PCDHA6: variants seen among roughly 807,000 people sequenced by gnomAD.
PCDHA6 encodes protocadherin alpha-6.
Under a neutral mutation model 60.3 loss-of-function variants are expected in PCDHA6, and 55 were observed. That is an observed-to-expected ratio of 0.91 (90% CI 0.73 to 1.14). The LOEUF (loss-of-function observed/expected upper bound fraction) is 1.14, where lower values mean the gene tolerates loss of function less well. Among genes scored for constraint, PCDHA6 ranks in the 50% most tolerant of loss-of-function variants. The probability of loss-of-function intolerance (pLI) is 0.00; values close to 1 mark genes in which losing one functional copy is unlikely to be tolerated. For missense variants in PCDHA6, 1,327 were observed against 1,256.5 expected (o/e 1.06, Z -0.85); for synonymous variants, 652 against 557.9 (o/e 1.17, Z -2.38).
chr5:140,829,747 G>C lies in PCDHA6; in HGVS notation c.1656G>C (p.Gln552His), dbSNP rs2150173825. The C allele has an allele frequency of 1.3e-5, 21 of 1,613,704 alleles. No individual in the cohort carries two copies. Among genetic ancestry groups the C allele is most frequent in the Non-Finnish European group, 1.7e-5 (20 of 1,179,868 alleles). ...VPPLGSNVTL[Q>H]VFVLDENDNA... ...CTCTGGGCAGCAACGTGACGCTGCA[G>C]GTGTTCGTGCTGGACGAGAACGACA... The change falls in exon 1 of 4, where the codon CAG (glutamine) becomes CAC (histidine). Residue 552 changes from glutamine (Q) to histidine (H), a missense_variant. Physicochemically the swap from Gln to His is conservative, Grantham distance 24. Coordinates refer to ENST00000529310, the MANE Select transcript of PCDHA6 (RefSeq NM_018909.4).
chr5:140,913,463 G>C (rs1230048611), intron 1 of PCDHA6, among the ~76,000 whole-genome samples: 4 of 151,500 alleles, frequency 2.6e-5, no homozygotes, highest in African/African-American at 2.4e-5. Flanking sequence ...TATTTACTTG[G>C]GTCTTCTCTC....
rs2096720992 is a variant in PCDHA6 at position 140,976,533 on chromosome 5, A to G, written c.2395-2416A>G. 2.0e-5 allele frequency among the ~76,000 whole-genome samples: 3 copies of G among 152,170 alleles called. No homozygotes were observed. In the South Asian group the frequency reaches 6.2e-4, roughly 32 times the overall value. Reference sequence around the variant, plus strand: ...GCCACTGCACACCAGCCTAAATGACAGAGTAAGACCCTATCTCATAAATAA... The same window carrying G: ...GCCACTGCACACCAGCCTAAATGACGGAGTAAGACCCTATCTCATAAATAA... On this transcript the variant is annotated intron_variant, in intron 1 of 3. Coordinates refer to ENST00000529310, the MANE Select transcript of PCDHA6 (RefSeq NM_018909.4).
intron 1 of PCDHA6, among the ~76,000 whole-genome samples, chr5:140,921,801 A>T (rs1450383901): frequency 6.6e-6 from 1 of 152,286 alleles, no homozygotes. Context: ...ATAACACAAG[A>T]TAAGATACAT....
chr5:140,996,678 G>T (rs922990686), intron 3 of PCDHA6, among the ~76,000 whole-genome samples: 28 of 152,162 alleles, frequency 1.8e-4, no homozygotes, highest in African/African-American at 6.7e-4. Context: ...AACCATGTTG[G>T]GCTAGTATTC....
At chr5:140,996,098 A>G (rs1173929406) in intron 3 of PCDHA6, among the ~76,000 whole-genome samples, 1 of 152,214 alleles carries the variant, frequency 6.6e-6, no homozygotes, top group Non-Finnish European at 1.5e-5. Context: ...ATTACATGGA[A>G]TGGTATGGAA....
At chr5:140,844,853 C>T (rs1215427504) in intron 1 of PCDHA6, among the ~76,000 whole-genome samples, 1 of 149,202 alleles carries the variant, frequency 6.7e-6, no homozygotes, top group Admixed American at 6.7e-5. Flanking sequence ...ACTGTTGGAC[C>T]TGCCTGGATA....
intron 3 of PCDHA6, among the ~76,000 whole-genome samples, chr5:140,983,909 C>G (rs2097076070): frequency 6.6e-6 from 1 of 152,226 alleles, no homozygotes. Flanking sequence ...TGATTCTAAT[C>G]AGCCAGGATT....
chr5:140,971,040 A>G (rs1554232989), intron 1 of PCDHA6, among the ~76,000 whole-genome samples: 2 of 152,194 alleles, frequency 1.3e-5, no homozygotes, highest in Non-Finnish European at 2.9e-5. Flanking sequence ...AAGCACGTAA[A>G]AGGGTTTAGC....
At chr5:140,856,678 G>A in intron 1 of PCDHA6, 5 of 1,597,744 alleles carry the variant, frequency 3.1e-6, no homozygotes, top group Non-Finnish European at 4.3e-6. Flanking sequence ...TAAAGTTGTT[G>A]TTGACAGCAA....
At chr5:140,870,318 G>C in intron 1 of PCDHA6, 1 of 1,614,178 alleles carries the variant, frequency 6.2e-7, no homozygotes, top group Non-Finnish European at 8.5e-7. Flanking sequence ...ATTACTACTC[G>C]TTGGTGCTGG....
intron 1 of PCDHA6, among the ~76,000 whole-genome samples, chr5:140,970,841 C>T (rs782138970): frequency 2.0e-5 from 3 of 150,352 alleles, no homozygotes; most frequent in African/African-American, 7.5e-5. Context: ...ATGTAATGCA[C>T]AGGCACAAAA....
chr5:140,927,322 A>T (rs782465180), intron 1 of PCDHA6: 1 of 1,613,780 alleles, frequency 6.2e-7, no homozygotes, highest in Non-Finnish European at 8.5e-7. Flanking sequence ...AGCCCGCTTT[A>T]CTCTCCCGAA....
intron 1 of PCDHA6, among the ~76,000 whole-genome samples, chr5:140,840,126 A>G (rs1776573004): frequency 6.6e-6 from 1 of 152,062 alleles, no homozygotes; most frequent in African/African-American, 2.4e-5. Flanking sequence ...CTGTACTAAT[A>G]AGGACAGAAA....
At chr5:140,932,880 AT>A (rs1219080024) in intron 1 of PCDHA6, among the ~76,000 whole-genome samples, 2 of 151,952 alleles carry the variant, frequency 1.3e-5, no homozygotes, top group Non-Finnish European at 2.9e-5. Context: ...TGTCTTCAAT[AT>A]TTTCAGTTAG....
chr5:140,927,813 G>A, intron 1 of PCDHA6: 1 of 1,614,176 alleles, frequency 6.2e-7, no homozygotes, highest in Non-Finnish European at 8.5e-7. Context: ...CGCTCTTGGA[G>A]GCATACATTG....
Position 141,009,928 on chromosome 5 carries a change from T to C in PCDHA6, c.2844T>C (p.Ser948=), listed in dbSNP as rs373891102. The change falls in exon 4 of 4, where the codon AGT becomes AGC. Residue 948 remains serine (S), a synonymous_variant. Transcript: ENST00000529310. The stretch of plus-strand genomic sequence containing the variant: ...AAGGGAACAGCACGACTGACAACAG[T>C]GACCAGTGAGGTCCTCAAATGGAAA... ...KEKGNSTTDN[S]DQ is the part of the protein sequence containing the mutation. 3 of 1,607,808 alleles carry C rather than the reference T, an allele frequency of 1.9e-6. No homozygotes were observed. The highest frequency in any genetic ancestry group is 2.5e-6 in the Non-Finnish European group (3 of 1,178,138).
At chr5:140,976,241 T>C (rs1170027788) in intron 1 of PCDHA6, among the ~76,000 whole-genome samples, 3 of 152,144 alleles carry the variant, frequency 2.0e-5, no homozygotes, top group African/African-American at 4.8e-5. Context: ...TGTCATTTCA[T>C]GTAAATTTAT....
intron 1 of PCDHA6, among the ~76,000 whole-genome samples, chr5:140,935,292 G>A (rs782760921): frequency 3.0e-4 from 46 of 152,068 alleles, no homozygotes; most frequent in Non-Finnish European, 3.8e-4. Context: ...TCAGCACTCC[G>A]AGGTTTTTAC....
At chr5:140,924,464 G>A (rs1358240470) in intron 1 of PCDHA6, among the ~76,000 whole-genome samples, 1 of 152,196 alleles carries the variant, frequency 6.6e-6, no homozygotes, top group Non-Finnish European at 1.5e-5. Flanking sequence ...TGTTTAGGGA[G>A]GTAACTGGTT....
Sources: gnomAD v4.1 joint callset for allele counts (sites outside exome capture counted in the v4.1 genomes callset) on GRCh38, gnomAD v4.1.1 for gene constraint, MANE v1.5 for transcripts, NCBI Gene and HGNC (gene_info 2026-07-23, HGNC 2026-07-21) for gene names.